TMEM201: variants seen among roughly 807,000 people sequenced by gnomAD.
TMEM201 encodes RP13-15M17.2.
In TMEM201, 26 loss-of-function variants were observed where a neutral mutation model predicts 63.4. That is an observed-to-expected ratio of 0.41 (90% CI 0.30 to 0.57). The LOEUF (loss-of-function observed/expected upper bound fraction) is 0.57. Ranked by LOEUF, TMEM201 falls within the 20% of genes least tolerant of loss-of-function variation. TMEM201 has a pLI of 0.29. For synonymous variants in TMEM201, 417 were observed against 421.6 expected, an observed-to-expected ratio of 0.99 and a Z score of 0.14; for missense variants, 794 against 917.7, an observed-to-expected ratio of 0.87 and a Z score of 1.74.
chr1:9,611,847 C>T lies in TMEM201; in HGVS notation c.1860C>T (p.Asp620=). 2 of 1,550,598 alleles carry T rather than the reference C, an allele frequency of 1.3e-6. No homozygotes were observed. Among genetic ancestry groups the T allele is most frequent in the Non-Finnish European group, 1.7e-6 (2 of 1,146,900 alleles). Residue 620 remains aspartate, a synonymous_variant, in exon 10 of 11, where the codon GAC becomes GAT. Transcript: ENST00000340381. ...DSSQSSTCVV[D]TTTRGCSEEA... ...CCCAGTCATCTACCTGTGTGGTGGA[C>T]ACCACCACCAGGGGCTGCTCGGAGG...
chr1:9,599,512 C>T (rs1644094610), intron 4 of TMEM201, among the ~76,000 whole-genome samples: 1 of 152,228 alleles, frequency 6.6e-6, no homozygotes, highest in Non-Finnish European at 1.5e-5. Context: ...GCCTTGGCCT[C>T]CCAAAGTGCT....
chr1:9,602,392 C>T, intron 6 of TMEM201, 120 bp downstream of exon 6: 2 of 1,483,676 alleles, frequency 1.3e-6, no homozygotes, highest in Non-Finnish European at 1.8e-6. Context: ...CGCCCTCCCA[C>T]CCCCACCCTA....
At position 9,604,496 on chromosome 1, in the gene TMEM201, C is replaced by T. The variant is rs1331055408; in HGVS notation, c.1160+2224C>T. The T allele has an allele frequency of 2.0e-6, 2 of 985,330 alleles. No homozygotes were observed. The highest frequency in any genetic ancestry group is 3.5e-5 in the African/African-American group (2 of 57,238). 61.0% of individuals were successfully genotyped at this position (985,330 alleles called of 1,614,324 possible). The stretch of plus-strand genomic sequence containing the variant: ...GCAACAGCTGAGAGAGTGCAGGCAC[C>T]ACTGTGTTGTGGCTTGTTGACCGGG... On this transcript the variant is annotated intron_variant, in intron 6 of 10. Coordinates refer to ENST00000340381, the MANE Select transcript of TMEM201 (RefSeq NM_001130924.3). The surrounding 1 kb of genome is among the most constrained non-coding windows in gnomAD (Gnocchi z 4.1).
chr1:9,593,257 A>G (rs915718114), intron 1 of TMEM201, among the ~76,000 whole-genome samples: 2 of 152,164 alleles, frequency 1.3e-5, no homozygotes, highest in African/African-American at 4.8e-5. Flanking sequence ...ACAGTGTTTC[A>G]CATGTGGTCA....
rs948490582 is a variant in TMEM201 at position 9,609,929 on chromosome 1, C to T, written c.1465+18C>T. The stretch of plus-strand genomic sequence containing the variant: ...TGTTTCAGGTGAGGAAGACAGAGAG[C>T]TAAGTGGGGGACGGGGCAACATGAA... On this transcript the variant is annotated intron_variant, in intron 8 of 10. Coordinates refer to ENST00000340381, the MANE Select transcript of TMEM201 (RefSeq NM_001130924.3). 1.9e-6 allele frequency: 3 copies of T among 1,550,662 alleles called. No homozygotes were observed. Among genetic ancestry groups the T allele is most frequent in the African/African-American group, 2.7e-5 (2 of 73,014 alleles).
At chr1:9,595,744 G>A in intron 1 of TMEM201, 146 bp from the exon 2 acceptor site, 1 of 1,182,614 alleles carries the variant, frequency 8.5e-7, no homozygotes, top group Admixed American at 2.1e-5. Context: ...GCTGTTCTGG[G>A]GCCAGCATCT....
At chr1:9,612,156 TTAAA>T (rs1051286547) in intron 10 of TMEM201, among the ~76,000 whole-genome samples, 19 of 152,210 alleles carry the variant, frequency 1.2e-4, no homozygotes, top group African/African-American at 4.6e-4. Flanking sequence ...TGAATTAAAA[TTAAA>T]TAAAGTTTGA....
In TMEM201 at chr1:9,601,465, G is replaced by T. The variant is rs759136609; in HGVS notation, c.956+11G>T. The T allele has an allele frequency of 6.4e-7, 1 of 1,569,986 alleles. No homozygotes were observed. The highest frequency in any genetic ancestry group is 1.7e-5 in the Admixed American group (1 of 58,362). On this transcript the variant is annotated intron_variant, in intron 5 of 10. Coordinates refer to ENST00000340381, the MANE Select transcript of TMEM201 (RefSeq NM_001130924.3). The stretch of plus-strand genomic sequence containing the variant: ...GGCTGGCCGCATCAGGTGTGCATGG[G>T]GCCAGGGCCAGGAGTTGGCGGGCAG...
chr1:9,612,907 G>A (rs985744268), intron 10 of TMEM201, 79 bp from the exon 11 acceptor site: 44 of 1,267,388 alleles, frequency 3.5e-5, no homozygotes, highest in Non-Finnish European at 4.4e-5. Flanking sequence ...CCCACAAACT[G>A]CATGCTCTAG....
intron 10 of TMEM201, among the ~76,000 whole-genome samples, 175 bp downstream of exon 10, chr1:9,612,065 C>T (rs939946895): frequency 5.9e-5 from 9 of 152,218 alleles, no homozygotes; most frequent in East Asian, 1.9e-4. Flanking sequence ...ACTCAGTAGA[C>T]GGCACTCCCC....
Position 9,598,654 on chromosome 1 carries a change from T to TG in TMEM201, c.606+34dup, listed in dbSNP as rs35924062. The TG allele has an allele frequency of 1.1e-5, 17 of 1,593,178 alleles. No homozygotes were observed. In the African/African-American group the frequency reaches 2.3e-4, roughly 21 times the overall value. ...AGAGGCGGCATCCACAGGGCGGGGG[T>TG]GGGGGTGTTGAGTTTGTTCAGGAAA... On this transcript the variant is annotated intron_variant, in intron 4 of 10. Transcript: ENST00000340381.
intron 4 of TMEM201, 70 bp downstream of exon 4, chr1:9,598,695 G>A: frequency 6.7e-7 from 1 of 1,499,280 alleles, no homozygotes; most frequent in Non-Finnish European, 9.1e-7. Context: ...CCAGGAGGCT[G>A]GGCACTAGTG....
intron 1 of TMEM201, among the ~76,000 whole-genome samples, chr1:9,595,624 C>T (rs1191272072): frequency 1.3e-5 from 2 of 152,150 alleles, no homozygotes; most frequent in African/African-American, 4.8e-5. Flanking sequence ...CTGGCCTCCT[C>T]CCCTTGAAGA....
In TMEM201 at chr1:9,613,305, T is replaced by C; in HGVS notation, c.*222T>C. The C allele has an allele frequency of 1.7e-6, 1 of 582,588 alleles. No individual in the cohort carries two copies. The highest frequency in any genetic ancestry group is 3.1e-6 in the Non-Finnish European group (1 of 326,210). 36.1% of individuals were successfully genotyped at this position (582,588 alleles called of 1,614,324 possible). ...CACACTCTCTGCCCACTCACCTCCT[T>C]GGCTGACATCGGTTGTGTTTGGTGC... is the stretch of plus-strand genomic sequence containing the variant. On this transcript the variant is annotated 3_prime_UTR_variant, in exon 11 of 11. Transcript: ENST00000340381.
chr1:9,593,437 C>G (rs1643955598), intron 1 of TMEM201, among the ~76,000 whole-genome samples: 3 of 152,218 alleles, frequency 2.0e-5, no homozygotes, highest in African/African-American at 7.2e-5. Flanking sequence ...TGGGTGGCAG[C>G]TGCTCTGGCC....
At position 9,609,284 on chromosome 1, in the gene TMEM201, A is replaced by G. The variant is rs565041613; in HGVS notation, c.1394-556A>G. Among the ~76,000 whole-genome samples, 6 of 152,356 alleles carry G rather than the reference A, an allele frequency of 3.9e-5. No homozygotes were observed. The East Asian group carries it at 1.2e-3, about 29-fold the overall frequency. On this transcript the variant is annotated intron_variant, in intron 7 of 10. Transcript: ENST00000340381. ...CACAGGTGGCAACAGGACATGAGGC[A>G]GTCCCTGGGTCCCACATTCAGCTCT... is the stretch of plus-strand genomic sequence containing the variant.
chr1:9,613,695 G>A lies in TMEM201; in HGVS notation c.*612G>A, dbSNP rs967611883. On this transcript the variant is annotated 3_prime_UTR_variant, in exon 11 of 11. Coordinates refer to ENST00000340381, the MANE Select transcript of TMEM201 (RefSeq NM_001130924.3). ...CCAGCTGGGCCTCCAGGACCAGCGC[G>A]AGCCCCTGCCCCACCCTCCCCTGCC... The A allele has an allele frequency of 1.7e-4, 26 of 152,748 alleles. No individual in the cohort carries two copies. The highest frequency in any genetic ancestry group is 2.9e-4 in the Non-Finnish European group (20 of 68,416). The allele number at this position is 152,748 out of a possible 1,614,324, so 9.5% of individuals were successfully genotyped here.
chr1:9,612,806 T>A (rs1320737007), intron 10 of TMEM201, among the ~76,000 whole-genome samples, 180 bp from the exon 11 acceptor site: 1 of 151,636 alleles, frequency 6.6e-6, no homozygotes, highest in Admixed American at 6.6e-5. Context: ...GGAGTGGGGG[T>A]CTTTCCTGCT....
chr1:9,603,631 A>G lies in TMEM201; in HGVS notation c.1160+1359A>G, dbSNP rs1644189005. On this transcript the variant is annotated intron_variant, in intron 6 of 10. Coordinates refer to ENST00000340381, the MANE Select transcript of TMEM201 (RefSeq NM_001130924.3). This position sits in a 1 kb window ranked among gnomAD's most constrained non-coding sequence, Gnocchi z 4.5. ...CAGATCACAGGTGCATGAGGGTTACACCCGTCACCTGGGTCTGCCGGGATG... is the reference window on the plus strand; with the variant it reads ...CAGATCACAGGTGCATGAGGGTTACGCCCGTCACCTGGGTCTGCCGGGATG... 1 of 984,818 alleles carries G rather than the reference A, an allele frequency of 1.0e-6. No individual in the cohort carries two copies. Among genetic ancestry groups the G allele is most frequent in the Non-Finnish European group, 1.2e-6 (1 of 829,820 alleles). The allele number at this position is 984,818 out of a possible 1,614,324, so 61.0% of individuals were successfully genotyped here. A position where few individuals can be genotyped will look rare whatever the true frequency, so the allele number is the denominator to read the frequency against.
Sources: allele counts gnomAD v4.1 joint callset (sites outside exome capture counted in the v4.1 genomes callset), GRCh38; gene constraint gnomAD v4.1.1; non-coding constraint Gnocchi (gnomAD v3.1); transcripts MANE v1.5; gene names NCBI Gene and HGNC (gene_info 2026-07-23, HGNC 2026-07-21).